The following CLEC4A variants were observed in gnomAD, a reference collection of about 807,000 sequenced individuals.
CLEC4A encodes the protein C-type (calcium dependent, carbohydrate-recognition domain) lectin, superfamily member 6.
A neutral mutation model predicts 32.7 loss-of-function variants in CLEC4A; 27 were observed. That is an observed-to-expected ratio of 0.83 (90% CI 0.61 to 1.14). CLEC4A has a LOEUF of 1.14. CLEC4A is among the 50% of genes most tolerant of loss of function. The pLI, the probability that CLEC4A is intolerant of heterozygous loss-of-function variation, is 0.00. For missense variants in CLEC4A, 253 were observed against 274.6 expected (o/e 0.92, Z 0.55); for synonymous variants, 89 against 93.7 (o/e 0.95, Z 0.29).
the CLEC4A span, among the ~76,000 whole-genome samples, chr12:8,111,636 T>C: frequency 2.6e-5 from 4 of 152,202 alleles, no homozygotes; most frequent in African/African-American, 7.2e-5. Flanking sequence ...TGTATTTGCT[T>C]ATGTTTAGTT....
upstream of CLEC4A, among the ~76,000 whole-genome samples, chr12:8,119,537 TA>T (rs1257554815): frequency 1.3e-5 from 2 of 152,188 alleles, no homozygotes; most frequent in Non-Finnish European, 2.9e-5. Flanking sequence ...GTCTTTTTAT[TA>T]TGAAAGAAAT....
At chr12:8,118,750 C>G (rs903501040), upstream of CLEC4A, among the ~76,000 whole-genome samples, 3 of 152,174 alleles carry the variant, frequency 2.0e-5, no homozygotes, top group Non-Finnish European at 4.4e-5. Context: ...GGTGGGCACA[C>G]AGATCCAAAC....
the CLEC4A span, among the ~76,000 whole-genome samples, chr12:8,105,500 C>G: frequency 6.6e-6 from 1 of 152,022 alleles, no homozygotes; most frequent in African/African-American, 2.4e-5. Flanking sequence ...CAGGTGTGTG[C>G]CACCACGGCT....
chr12:8,137,608 A>G (rs1022480579), intron 5 of CLEC4A, among the ~76,000 whole-genome samples: 1 of 152,236 alleles, frequency 6.6e-6, no homozygotes, highest in Non-Finnish European at 1.5e-5. Flanking sequence ...CGATCTTCAT[A>G]TCCACTGTAT....
At chr12:8,133,737 C>T (rs963252278) in intron 3 of CLEC4A, 12 of 1,585,690 alleles carry the variant, frequency 7.6e-6, no homozygotes, top group Admixed American at 5.4e-5. Flanking sequence ...CTCCTCCCCT[C>T]CCCCTGTCCC....
Position 8,131,762 on chromosome 12 carries a change from C to G in CLEC4A, c.298+2400C>G, listed in dbSNP as rs934939060. Among the ~76,000 whole-genome samples the G allele has an allele frequency of 3.3e-5, 5 of 151,766 alleles. No homozygotes were observed. In the East Asian group the frequency reaches 7.8e-4, roughly 24 times the overall value. ...CCAGGTGATATTTGTCTCTTTTATTCCATTTATTTATTTATATAATCATTT... is the reference window on the plus strand; with the variant it reads ...CCAGGTGATATTTGTCTCTTTTATTGCATTTATTTATTTATATAATCATTT... On this transcript the variant is annotated intron_variant, in intron 3 of 5. Transcript: ENST00000229332.
the CLEC4A span, among the ~76,000 whole-genome samples, chr12:8,118,070 G>GA: frequency 7.4e-3 from 1,113 of 149,896 alleles, 13 homozygotes; most frequent in African/African-American, 0.025. Flanking sequence ...GAGGAAAGGG[G>GA]AAAAAAAAAG....
the CLEC4A span, among the ~76,000 whole-genome samples, chr12:8,109,453 T>A: frequency 1.3e-5 from 2 of 152,226 alleles, no homozygotes; most frequent in African/African-American, 4.8e-5. Context: ...TTACTGGCTT[T>A]TTGACCTTGG....
Position 8,129,293 on chromosome 12 carries a change from G to C in CLEC4A, c.229G>C (p.Glu77Gln). ...IFFQKYSQLL[E>Q]KKTTKELVHT... Reference sequence around the variant, plus strand: ...CTTTCAAAAATATTCTCAGCTTCTTGAAAAAAAGACTACAAAAGAGCTGGT... The same window carrying C: ...CTTTCAAAAATATTCTCAGCTTCTTCAAAAAAAGACTACAAAAGAGCTGGT... The change falls in exon 3 of 6, where the codon GAA (glutamate) becomes CAA (glutamine). Residue 77 changes from glutamate (E) to glutamine (Q), a missense_variant. Glu to Gln is a conservative substitution (Grantham distance 29, BLOSUM62 2). Transcript: ENST00000229332. The C allele has an allele frequency of 6.2e-7, 1 of 1,603,148 alleles. No homozygotes were observed. The highest frequency in any genetic ancestry group is 8.5e-7 in the Non-Finnish European group (1 of 1,176,148).
At chr12:8,136,553 G>C (rs1402705072) in intron 4 of CLEC4A, among the ~76,000 whole-genome samples, 1 of 118,272 alleles carries the variant, frequency 8.5e-6, no homozygotes, top group Non-Finnish European at 1.7e-5. Flanking sequence ...CAGAAAGTGA[G>C]ACTCCATCTC....
upstream of CLEC4A, among the ~76,000 whole-genome samples, chr12:8,120,389 GA>G (rs2120553468): frequency 6.6e-6 from 1 of 152,262 alleles, no homozygotes; most frequent in South Asian, 2.1e-4. Flanking sequence ...GGCCCACCAT[GA>G]ATAACAAAGA....
At chr12:8,127,344 G>A (rs1331097205) in intron 2 of CLEC4A, among the ~76,000 whole-genome samples, 2 of 152,212 alleles carry the variant, frequency 1.3e-5, no homozygotes, top group Non-Finnish European at 2.9e-5. Flanking sequence ...TGGAACTAGC[G>A]CAGAGTTGCT....
the CLEC4A span, among the ~76,000 whole-genome samples, chr12:8,115,602 GT>G: frequency 1.3e-5 from 2 of 152,162 alleles, no homozygotes; most frequent in Non-Finnish European, 2.9e-5. Context: ...AGATGTTTAA[GT>G]TTTCTGCAGG....
rs1318340831 is a variant in CLEC4A at position 8,123,822 on chromosome 12, G to A, written c.-57G>A. On this transcript the variant is annotated 5_prime_UTR_variant, in exon 1 of 6. An upstream start codon of the reference 5' UTR is lost. Coordinates refer to ENST00000229332, the MANE Select transcript of CLEC4A (RefSeq NM_016184.4). Reference sequence around the variant, plus strand: ...CATGTTTGGTTCCTGTTTATAAGATGTTTTAAGAAAGATCTGAAACAGATT... The same window carrying A: ...CATGTTTGGTTCCTGTTTATAAGATATTTTAAGAAAGATCTGAAACAGATT... 5 of 1,249,728 alleles carry A rather than the reference G, an allele frequency of 4.0e-6. No individual in the cohort carries two copies. The highest frequency in any genetic ancestry group is 5.9e-6 in the Non-Finnish European group (5 of 850,208). 77.4% of individuals were successfully genotyped at this position (1,249,728 alleles called of 1,614,324 possible). A position where few individuals can be genotyped will look rare whatever the true frequency, so the allele number is the denominator to read the frequency against.
At chr12:8,133,226 T>A (rs765820580) in intron 3 of CLEC4A, among the ~76,000 whole-genome samples, 1 of 151,910 alleles carries the variant, frequency 6.6e-6, no homozygotes, top group African/African-American at 2.4e-5. Flanking sequence ...TTTTTTGGTA[T>A]TTTTAGTAGA....
intron 2 of CLEC4A, among the ~76,000 whole-genome samples, chr12:8,128,337 G>A (rs1229028146): frequency 6.6e-6 from 1 of 152,024 alleles, no homozygotes; most frequent in Non-Finnish European, 1.5e-5. Flanking sequence ...TAGTGAAATA[G>A]TGGAAGTAAA....
intron 1 of CLEC4A, among the ~76,000 whole-genome samples, chr12:8,124,919 A>C (rs934737165): frequency 2.0e-5 from 3 of 152,168 alleles, no homozygotes; most frequent in African/African-American, 7.2e-5. Flanking sequence ...GTATTTTACT[A>C]AAAATGTAAT....
upstream of CLEC4A, among the ~76,000 whole-genome samples, chr12:8,123,148 T>C (rs761688861): frequency 6.6e-6 from 1 of 152,220 alleles, no homozygotes; most frequent in Non-Finnish European, 1.5e-5. Context: ...GAATAAAGGC[T>C]GGCCTTCCCT....
rs1452705134 is a variant in CLEC4A at position 8,134,976 on chromosome 12, T to TTTTTTTTTG, written c.299-607_299-606insTTTTTTGTT. The TTTTTTTTTG allele has an allele frequency of 3.6e-4, 113 of 309,618 alleles. 6 individuals are homozygous for TTTTTTTTTG. The highest frequency in any genetic ancestry group is 4.6e-4 in the Non-Finnish European group (95 of 206,400). The allele number at this position is 309,618 out of a possible 1,614,324, so 19.2% of individuals were successfully genotyped here. ...GTCTGTATCTTCTTGTTGAAGCGTT[T>TTTTTTTTTG]TTGTTTTTTGTTTTTTTTTAATCAT... On this transcript the variant is annotated intron_variant, in intron 3 of 5. Transcript: ENST00000229332.
Sources: gnomAD v4.1 joint callset for allele counts (sites outside exome capture counted in the v4.1 genomes callset) on GRCh38, gnomAD v4.1.1 for gene constraint, MANE v1.5 for transcripts, NCBI Gene and HGNC (gene_info 2026-07-23, HGNC 2026-07-21) for gene names.